Variants in TRIM6 observed in about 807,000 individuals in gnomAD.
The protein encoded by TRIM6 is tripartite motif-containing protein 6.
TRIM6 carries 43 observed loss-of-function variants against 51.2 expected under a neutral mutation model. The ratio of observed to expected loss-of-function variants is 0.84; its 90% CI spans 0.66 to 1.08. TRIM6 has a LOEUF of 1.08. TRIM6 is among the 50% of genes least tolerant of loss of function. The pLI, the probability that TRIM6 is intolerant of heterozygous loss-of-function variation, is 0.00. For synonymous variants in TRIM6, 215 were observed against 232.4 expected (o/e 0.93, Z 0.68); for missense variants, 669 against 619.0 (o/e 1.08, Z -0.86).
intron 4 of TRIM6, among the ~76,000 whole-genome samples, chr11:5,606,931 C>T (rs965113791): frequency 2.0e-5 from 3 of 152,160 alleles, no homozygotes; most frequent in Non-Finnish European, 2.9e-5. Flanking sequence ...AGGCCGAGCG[C>T]GGTGGCTCAC....
At chr11:5,610,663 C>T (rs1848518426) in intron 7 of TRIM6, 102 bp downstream of exon 7, 4 of 1,563,608 alleles carry the variant, frequency 2.6e-6, no homozygotes, top group Non-Finnish European at 3.5e-6. Flanking sequence ...GATGCCTCCC[C>T]CATCCCCGCC....
intron 5 of TRIM6, among the ~76,000 whole-genome samples, chr11:5,608,875 G>A (rs1848391793): frequency 1.8e-5 from 1 of 56,844 alleles, no homozygotes. Context: ...TTTTGAGACA[G>A]AGTTTCACTC....
At position 5,605,586 on chromosome 11, in the gene TRIM6, C is replaced by G; in HGVS notation, c.834+19C>G. ...GCTGCAGGTAAGGCTTGTGAAGGAG[C>G]CCAGATCTGAGAGTCAAGGAAAAGA... On this transcript the variant is annotated intron_variant, in intron 4 of 7. Transcript: ENST00000380097. 1 of 1,597,108 alleles carries G rather than the reference C, an allele frequency of 6.3e-7. No homozygotes were observed. The highest frequency in any genetic ancestry group is 8.5e-7 in the Non-Finnish European group (1 of 1,173,694).
chr11:5,608,345 G>T, intron 4 of TRIM6, 27 bp from the exon 5 acceptor site: 1 of 1,613,022 alleles, frequency 6.2e-7, no homozygotes, highest in South Asian at 1.1e-5. Flanking sequence ...GTTACTCCTT[G>T]ACTTAACCTG....
intron 1 of TRIM6, among the ~76,000 whole-genome samples, chr11:5,601,063 T>G (rs1035317210): frequency 3.3e-5 from 5 of 152,338 alleles, no homozygotes; most frequent in Admixed American, 3.3e-4. Context: ...AGGTCTCAAC[T>G]GCCTTACCGG....
chr11:5,611,398 G>A lies in TRIM6; in HGVS notation c.*56G>A. On this transcript the variant is annotated 3_prime_UTR_variant, in exon 8 of 8. Transcript: ENST00000380097. ...AGTACCCTGAGGCTTATCAGCATGT[G>A]ATTCTCCCTTCTGATCTTCTGTTTT... 2.3e-6 allele frequency: 3 copies of A among 1,325,090 alleles called. No homozygotes were observed. The highest frequency in any genetic ancestry group is 1.9e-4 in the Middle Eastern group (1 of 5,328). 82.1% of individuals were successfully genotyped at this position (1,325,090 alleles called of 1,614,324 possible).
chr11:5,604,585 G>A lies in TRIM6; in HGVS notation c.559G>A (p.Glu187Lys). Residue 187 changes from glutamate (E) to lysine (K), a missense_variant, in exon 3 of 8, where the codon GAG (glutamate) becomes AAG (lysine). Coordinates refer to ENST00000380097, the MANE Select transcript of TRIM6 (RefSeq NM_001003818.3). Reference protein sequence around the residue: ...KKLKNEEQEAEKLTAFIREKK... With the variant: ...KKLKNEEQEAKKLTAFIREKK... ...GCTGAAGAACGAGGAGCAGGAAGCTGAGAAGCTAACAGCTTTTATCAGAGA... is the reference window on the plus strand; with the variant it reads ...GCTGAAGAACGAGGAGCAGGAAGCTAAGAAGCTAACAGCTTTTATCAGAGA... 1 of 1,613,384 alleles carries A rather than the reference G, an allele frequency of 6.2e-7. No individual in the cohort carries two copies. Among genetic ancestry groups the A allele is most frequent in the Non-Finnish European group, 8.5e-7 (1 of 1,179,756 alleles).
At chr11:5,609,677 C>G (rs1391615104) in intron 5 of TRIM6, among the ~76,000 whole-genome samples, 1 of 152,130 alleles carries the variant, frequency 6.6e-6, no homozygotes, top group Non-Finnish European at 1.5e-5. Flanking sequence ...AATCCCAGCA[C>G]TTTGGGAGGC....
rs1367945034 is a variant in TRIM6 at position 5,598,699 on chromosome 11, C to T, written c.17+1785C>T. Among the ~76,000 whole-genome samples, 3 of 152,178 alleles carry T rather than the reference C, an allele frequency of 2.0e-5. No individual in the cohort carries two copies. The East Asian group carries it at 5.8e-4, about 29-fold the overall frequency. On this transcript the variant is annotated intron_variant, in intron 1 of 7. Transcript: ENST00000380097. ...TCTGAGTAGCCACACTTCAAATGCT[C>T]AAGAGCCATATCTGGCTACATGTTT... is the stretch of plus-strand genomic sequence containing the variant.
At chr11:5,606,177 T>C (rs10500653) in intron 4 of TRIM6, among the ~76,000 whole-genome samples, 31,433 of 152,202 alleles carry the variant, frequency 0.21, 3,449 homozygotes, top group Non-Finnish European at 0.24. Context: ...AGATGATGTA[T>C]TACCAGCCCT....
At chr11:5,606,561 C>G (rs1848223527) in intron 4 of TRIM6, among the ~76,000 whole-genome samples, 1 of 152,174 alleles carries the variant, frequency 6.6e-6, no homozygotes, top group African/African-American at 2.4e-5. Context: ...CCATGGGTAG[C>G]TACTTTCTGC....
At chr11:5,604,775 T>A (rs1289782997) in intron 3 of TRIM6, 146 bp downstream of exon 3, 1 of 758,910 alleles carries the variant, frequency 1.3e-6, no homozygotes, top group Non-Finnish European at 2.0e-6. Context: ...CTATATTCCT[T>A]CCAAACAGGG....
rs760865816 is a variant in TRIM6 at position 5,611,066 on chromosome 11, T to A, written c.1275T>A (p.Pro425=). 1 of 1,614,212 alleles carries A rather than the reference T, an allele frequency of 6.2e-7. No individual in the cohort carries two copies. Among genetic ancestry groups the A allele is most frequent in the African/African-American group, 1.3e-5 (1 of 75,058 alleles). ...ACAGTGCTTACTCCAGGTATCAGCCTCAGAGTGGATACTGGGTGATTGGGT... is the reference window on the plus strand; with the variant it reads ...ACAGTGCTTACTCCAGGTATCAGCCACAGAGTGGATACTGGGTGATTGGGT... ...QNHSAYSRYQ[P]QSGYWVIGLQ... The change falls in exon 8 of 8, where the codon CCT becomes CCA. Residue 425 remains proline, a synonymous_variant. Coordinates refer to ENST00000380097, the MANE Select transcript of TRIM6 (RefSeq NM_001003818.3).
At chr11:5,610,385 A>C (rs771090487) in intron 6 of TRIM6, 140 bp downstream of exon 6, 130 of 1,566,764 alleles carry the variant, frequency 8.3e-5, no homozygotes, top group Non-Finnish European at 1.1e-4. Flanking sequence ...GTGCTGAAGA[A>C]GATGCGGTTT....
In TRIM6 at chr11:5,610,998, T is replaced by G. The variant is rs372843409; in HGVS notation, c.1207T>G (p.Ser403Ala). The change falls in exon 8 of 8, where the codon TCA (serine) becomes GCA (alanine). Residue 403 changes from serine (S) to alanine (A), a missense_variant. Transcript: ENST00000380097. ...CTGGATCCTGGGGGTATGCAGCAATTCACTGGGACCTACATTCTCTTTCAA... is the reference window on the plus strand; with the variant it reads ...CTGGATCCTGGGGGTATGCAGCAATGCACTGGGACCTACATTCTCTTTCAA... ...TAWILGVCSNSLGPTFSFNHF... is the reference protein window; with the variant it reads ...TAWILGVCSNALGPTFSFNHF... The G allele has an allele frequency of 6.2e-7, 1 of 1,614,024 alleles. No homozygotes were observed. Among genetic ancestry groups the G allele is most frequent in the African/African-American group, 1.3e-5 (1 of 74,912 alleles).
Position 5,611,160 on chromosome 11 carries a change from C to T in TRIM6, c.1369C>T (p.Pro457Ser), listed in dbSNP as rs775545781. 3.7e-6 allele frequency: 6 copies of T among 1,614,168 alleles called. No homozygotes were observed. The highest frequency in any genetic ancestry group is 5.1e-6 in the Non-Finnish European group (6 of 1,180,024). Reference protein sequence around the residue: ...SPSLLLSMTVPPRRVGVFLDY... With the variant: ...SPSLLLSMTVSPRRVGVFLDY... ...TTCCCTGCTTCTCTCCATGACAGTG[C>T]CCCCTCGCCGTGTTGGGGTTTTCTT... The change falls in exon 8 of 8, where the codon CCC becomes TCC. Residue 457 changes from proline (P) to serine (S), a missense_variant. Coordinates refer to ENST00000380097, the MANE Select transcript of TRIM6 (RefSeq NM_001003818.3).
rs1406899926 is a variant in TRIM6, at chr11:5,612,144, G to A, written c.*802G>A. 1 of 151,408 alleles carries A rather than the reference G, an allele frequency of 6.6e-6. No homozygotes were observed. Among genetic ancestry groups the A allele is most frequent in the Non-Finnish European group, 1.5e-5 (1 of 67,546 alleles). The allele number at this position is 151,408 out of a possible 1,614,324, so 9.4% of individuals were successfully genotyped here. A position where few individuals can be genotyped will look rare whatever the true frequency, so the allele number is the denominator to read the frequency against. On this transcript the variant is annotated 3_prime_UTR_variant, in exon 8 of 8. Transcript: ENST00000380097. ...ACTGGATTTATTTTGATAACGTATTGTTTAGATTTTGTTCTCATCTATGTT... is the reference window on the plus strand; with the variant it reads ...ACTGGATTTATTTTGATAACGTATTATTTAGATTTTGTTCTCATCTATGTT...
In TRIM6 at chr11:5,603,353, C is replaced by G. The variant is rs774123091; in HGVS notation, c.125C>G (p.Thr42Ser). ...PVLVDIREEV[T>S]CPICLELLTE... ...CTGGTGGACATACGAGAAGAGGTGA[C>G]CTGCCCTATCTGCCTGGAGCTCCTA... Residue 42 changes from threonine to serine, a missense_variant, in exon 2 of 8, where the codon ACC (threonine) becomes AGC (serine). Physicochemically the swap from Thr to Ser is moderately conservative, Grantham distance 58. Transcript: ENST00000380097. 1 of 1,614,044 alleles carries G rather than the reference C, an allele frequency of 6.2e-7. No individual in the cohort carries two copies. Among genetic ancestry groups the G allele is most frequent in the Admixed American group, 1.7e-5 (1 of 60,010 alleles).
At chr11:5,610,116 T>C in intron 5 of TRIM6, 29 bp from the exon 6 acceptor site, 1 of 1,613,110 alleles carries the variant, frequency 6.2e-7, no homozygotes, top group Non-Finnish European at 8.5e-7. Flanking sequence ...GTCAGCAGTG[T>C]GGGAACTCAG....
Sources: gnomAD v4.1 joint callset for allele counts (sites outside exome capture counted in the v4.1 genomes callset) on GRCh38, gnomAD v4.1.1 for gene constraint, MANE v1.5 for transcripts, NCBI Gene and HGNC (gene_info 2026-07-23, HGNC 2026-07-21) for gene names.